The following RNF216 variants were observed in gnomAD, a reference collection of about 807,000 sequenced individuals.
The protein encoded by RNF216 is ring finger protein 216, also known as E3 ubiquitin-protein ligase RNF216.
RNF216 carries 72 observed loss-of-function variants against 110.8 expected under a neutral mutation model. The ratio of observed to expected loss-of-function variants is 0.65; its 90% confidence interval spans 0.54 to 0.79. The LOEUF is 0.79. Ranked by LOEUF, RNF216 falls within the 30% of genes least tolerant of loss-of-function variation. The probability of loss-of-function intolerance (pLI) is 0.00; values close to 1 mark genes in which losing one functional copy is unlikely to be tolerated. For missense variants in RNF216, 1,342 were observed against 1,141.2 expected, an observed-to-expected ratio of 1.18 and a Z score of -2.54; for synonymous variants, 495 against 407.5, an observed-to-expected ratio of 1.21 and a Z score of -2.59.
intron 13 of RNF216, chr7:5,666,743 T>TC (rs1040835276): frequency 6.6e-6 from 1 of 151,542 alleles, no homozygotes; most frequent in African/African-American, 2.4e-5. Context: ...CTAAGCCCCT[T>TC]CCAAAGGATT....
intron 2 of RNF216, among the ~76,000 whole-genome samples, chr7:5,754,324 T>TA (rs1263125870): frequency 4.6e-5 from 7 of 151,022 alleles, no homozygotes; most frequent in South Asian, 2.1e-4. Context: ...AACAGTTACT[T>TA]AAAAAAAAAA....
Position 5,699,046 on chromosome 7 carries a change from AAACT to A in RNF216, c.2061+12711_2061+12714del, listed in dbSNP as rs201710376. Among the ~76,000 whole-genome samples the A allele has an allele frequency of 7.6e-4, 115 of 152,228 alleles. 1 individual carries two copies. In the East Asian group the frequency reaches 0.021, roughly 27 times the overall value. ...TAGAGTTTTTGACTTGTTTTTTTTA[AAACT>A]AACTTTTTATTGTAGAAAATTTTAA... On this transcript the variant is annotated intron_variant, in intron 13 of 16. Transcript: ENST00000389902.
At chr7:5,706,497 TG>T (rs2128624962) in intron 13 of RNF216, among the ~76,000 whole-genome samples, 1 of 152,364 alleles carries the variant, frequency 6.6e-6, no homozygotes, top group Non-Finnish European at 1.5e-5. Flanking sequence ...CTTCTATGAC[TG>T]GCTAATTGCA....
intron 14 of RNF216, among the ~76,000 whole-genome samples, chr7:5,646,109 AT>A (rs1247055838): frequency 5.3e-5 from 8 of 152,150 alleles, no homozygotes; most frequent in Admixed American, 3.3e-4. Context: ...TTTATAAATT[AT>A]TGTTGAAAAC....
intron 11 of RNF216, among the ~76,000 whole-genome samples, chr7:5,714,801 A>G (rs931999015): frequency 3.3e-5 from 5 of 152,216 alleles, no homozygotes; most frequent in African/African-American, 1.2e-4. Flanking sequence ...AATACAAATA[A>G]GATGATGAAC....
At chr7:5,760,443 G>A (rs750737135) in intron 2 of RNF216, 2 of 386,528 alleles carry the variant, frequency 5.2e-6, no homozygotes, top group Non-Finnish European at 5.3e-6. Flanking sequence ...TTGAACCCAG[G>A]AGGCGGAGCT....
At chr7:5,719,079 G>C (rs1443797377) in intron 9 of RNF216, among the ~76,000 whole-genome samples, 1 of 152,054 alleles carries the variant, frequency 6.6e-6, no homozygotes, top group Non-Finnish European at 1.5e-5. Context: ...AAGACTTTTA[G>C]CATCAGAGAA....
In RNF216 at chr7:5,620,990, G is replaced by A. The variant is rs922150967; in HGVS notation, c.*1870C>T. 15 of 152,198 alleles carry A rather than the reference G, an allele frequency of 9.9e-5. No homozygotes were observed. The highest frequency in any genetic ancestry group is 3.6e-4 in the African/African-American group (15 of 41,444). 9.4% of individuals were successfully genotyped at this position (152,198 alleles called of 1,614,324 possible). On this transcript the variant is annotated 3_prime_UTR_variant, in exon 17 of 17. Transcript: ENST00000389902. ...TGCCGCATGGAGCCTGCCTTTCCAA[G>A]GCACTGTCGTTCAGGCTAGTAGCAA...
intron 10 of RNF216, 31 bp from the exon 11 acceptor site, chr7:5,715,221 G>C: frequency 1.2e-6 from 2 of 1,601,024 alleles, no homozygotes; most frequent in Non-Finnish European, 1.7e-6. Context: ...CACATGAAAT[G>C]TCCTGCACTT....
chr7:5,727,341 T>C lies in RNF216; in HGVS notation c.1390-1903A>G, dbSNP rs1399284283. On this transcript the variant is annotated intron_variant, in intron 7 of 16. Coordinates refer to ENST00000389902, the MANE Select transcript of RNF216 (RefSeq NM_207111.4). ...CCAGCTGTCTCTAATTTGGCATCTATCCTGCCTTTGCACTTACTAATCTAT... is the reference window on the plus strand; with the variant it reads ...CCAGCTGTCTCTAATTTGGCATCTACCCTGCCTTTGCACTTACTAATCTAT... 5.9e-5 allele frequency among the ~76,000 whole-genome samples: 9 copies of C among 152,350 alleles called. No homozygotes were observed. In the East Asian group the frequency reaches 1.5e-3, roughly 26 times the overall value.
intron 2 of RNF216, among the ~76,000 whole-genome samples, chr7:5,754,120 GTGTGTGTGT>G (rs1795483594): frequency 1.6e-4 from 1 of 6,068 alleles, no homozygotes; most frequent in Middle Eastern, 0.071. Flanking sequence ...CTTTTGTGTG[GTGTGTGTGT>G]GTGTGTGTGT....
At chr7:5,776,203 G>C (rs1216133544) in intron 1 of RNF216, among the ~76,000 whole-genome samples, 2 of 151,954 alleles carry the variant, frequency 1.3e-5, no homozygotes, top group East Asian at 1.9e-4. Context: ...ATGCATCATC[G>C]GGAATACATC....
At chr7:5,728,817 T>G (rs754808244) in intron 7 of RNF216, among the ~76,000 whole-genome samples, 1 of 151,934 alleles carries the variant, frequency 6.6e-6, no homozygotes, top group Non-Finnish European at 1.5e-5. Context: ...CCAAGAGGAG[T>G]AAGCCAAGGT....
At chr7:5,691,690 A>C (rs1791350204) in intron 13 of RNF216, among the ~76,000 whole-genome samples, 1 of 152,234 alleles carries the variant, frequency 6.6e-6, no homozygotes, top group African/African-American at 2.4e-5. Context: ...TCTGGCATGG[A>C]CACATGGTTC....
At chr7:5,748,342 C>T (rs985018001) in intron 3 of RNF216, among the ~76,000 whole-genome samples, 2 of 152,188 alleles carry the variant, frequency 1.3e-5, no homozygotes, top group African/African-American at 2.4e-5. Flanking sequence ...TAGTCTTTGG[C>T]AGTCCTGAAG....
At chr7:5,669,480 T>C (rs73339903) in intron 13 of RNF216, among the ~76,000 whole-genome samples, 6,722 of 152,276 alleles carry the variant, frequency 0.044, 207 homozygotes, top group South Asian at 0.072. Context: ...AAAGATTATA[T>C]TGACAGATTT....
At chr7:5,731,568 A>T (rs1794092049) in intron 5 of RNF216, among the ~76,000 whole-genome samples, 1 of 151,440 alleles carries the variant, frequency 6.6e-6, no homozygotes. Flanking sequence ...GTCAAATCAG[A>T]CAACCACCTT....
intron 1 of RNF216, among the ~76,000 whole-genome samples, chr7:5,771,974 C>T (rs554729977): frequency 6.6e-6 from 1 of 152,198 alleles, no homozygotes; most frequent in Non-Finnish European, 1.5e-5. Flanking sequence ...TGGCTCACGC[C>T]TGTAATCCCA....
rs747044009 is a variant in RNF216 at position 5,729,549 on chromosome 7, G to A, written c.1272C>T (p.Asp424=). The part of the protein sequence containing the change: ...FFDYSKLTPL[D]QRCFIQAADL... The stretch of plus-strand genomic sequence containing the variant: ...CAGCAGCTTGGATGAAGCAGCGCTG[G>A]TCAAGAGGGGTCAATTTAGAATAGT... The change falls in exon 7 of 17, where the codon GAC becomes GAT. Residue 424 remains aspartate, a synonymous_variant. Coordinates refer to ENST00000389902, the MANE Select transcript of RNF216 (RefSeq NM_207111.4). 2 of 1,614,148 alleles carry A rather than the reference G, an allele frequency of 1.2e-6. No individual in the cohort carries two copies. Among genetic ancestry groups the A allele is most frequent in the Non-Finnish European group, 8.5e-7 (1 of 1,180,002 alleles).
Sources: allele counts gnomAD v4.1 joint callset (sites outside exome capture counted in the v4.1 genomes callset), GRCh38; gene constraint gnomAD v4.1.1; transcripts MANE v1.5; gene names NCBI Gene and HGNC (gene_info 2026-07-23, HGNC 2026-07-21).